RSRC1: variants seen among roughly 807,000 people sequenced by gnomAD.
RSRC1 encodes serine/Arginine-related protein 53.
A neutral mutation model predicts 49.1 loss-of-function variants in RSRC1; 39 were observed. The ratio of observed to expected loss-of-function variants is 0.79; its 90% CI spans 0.61 to 1.04. The LOEUF is 1.04. Among genes scored for constraint, RSRC1 ranks in the 50% least tolerant of loss-of-function variants. The pLI, the probability that RSRC1 is intolerant of heterozygous loss-of-function variation, is 0.00. For missense variants in RSRC1, 388 were observed against 402.4 expected (o/e 0.96, Z 0.31); for synonymous variants, 143 against 130.8 (o/e 1.09, Z -0.63).
chr3:158,378,421 T>C (rs1732498976), intron 6 of RSRC1, among the ~76,000 whole-genome samples: 1 of 152,236 alleles, frequency 6.6e-6, no homozygotes, highest in Non-Finnish European at 1.5e-5. Flanking sequence ...ATTATTTGAT[T>C]GTATCTTAGA....
intron 6 of RSRC1, among the ~76,000 whole-genome samples, chr3:158,361,406 G>A (rs1731462719): frequency 6.6e-6 from 1 of 152,146 alleles, no homozygotes; most frequent in Non-Finnish European, 1.5e-5. Flanking sequence ...TGGGCCTTGG[G>A]GCGGGTCTCA....
intron 3 of RSRC1, among the ~76,000 whole-genome samples, chr3:158,190,180 T>C (rs552286265): frequency 4.6e-5 from 7 of 152,166 alleles, no homozygotes; most frequent in African/African-American, 1.7e-4. Flanking sequence ...TTCTTTTTCC[T>C]TTATTTTTAA....
At chr3:158,542,302 G>A (rs564487806) in intron 8 of RSRC1, among the ~76,000 whole-genome samples, 2 of 152,156 alleles carry the variant, frequency 1.3e-5, no homozygotes, top group Admixed American at 1.3e-4. Flanking sequence ...AGGCCAAGGC[G>A]GGCTGATCAC....
intron 3 of RSRC1, among the ~76,000 whole-genome samples, chr3:158,144,785 C>T (rs1292390499): frequency 1.3e-5 from 2 of 152,184 alleles, no homozygotes; most frequent in East Asian, 3.9e-4. Context: ...TCCACATCCT[C>T]TCCGGCACCT....
intron 5 of RSRC1, among the ~76,000 whole-genome samples, chr3:158,345,035 A>G (rs780052820): frequency 2.0e-4 from 30 of 151,970 alleles, no homozygotes; most frequent in Non-Finnish European, 3.5e-4. Context: ...TCTGGCCAAC[A>G]TGGTGAAACC....
chr3:158,206,778 G>A (rs534321272), intron 4 of RSRC1, among the ~76,000 whole-genome samples: 1 of 152,226 alleles, frequency 6.6e-6, no homozygotes, highest in Non-Finnish European at 1.5e-5. Flanking sequence ...GCTGGGCATA[G>A]TGGTGCGTGC....
At chr3:158,127,561 T>G (rs192650167) in intron 3 of RSRC1, among the ~76,000 whole-genome samples, 71 of 152,154 alleles carry the variant, frequency 4.7e-4, no homozygotes, top group Admixed American at 4.1e-3. Flanking sequence ...AGTCTTGATT[T>G]TGTTTATACT....
chr3:158,528,057 G>A (rs1177915611), intron 7 of RSRC1, among the ~76,000 whole-genome samples: 1 of 151,544 alleles, frequency 6.6e-6, no homozygotes, highest in African/African-American at 2.4e-5. Flanking sequence ...TTACATAGAG[G>A]CATTAAAAAA....
At chr3:158,174,968 C>T (rs1164782127) in intron 3 of RSRC1, among the ~76,000 whole-genome samples, 2 of 152,066 alleles carry the variant, frequency 1.3e-5, no homozygotes, top group African/African-American at 4.8e-5. Context: ...TGCTCTACAT[C>T]CCTGCCAACA....
chr3:158,426,006 C>G (rs546981871), intron 6 of RSRC1, among the ~76,000 whole-genome samples: 64 of 151,574 alleles, frequency 4.2e-4, no homozygotes, highest in African/African-American at 1.5e-3. Flanking sequence ...TGTATGAGGA[C>G]TTGTTATTAC....
At chr3:158,329,007 C>T (rs1729371897) in intron 5 of RSRC1, among the ~76,000 whole-genome samples, 1 of 152,112 alleles carries the variant, frequency 6.6e-6, no homozygotes, top group Admixed American at 6.5e-5. Context: ...TCCCTGATAC[C>T]CTTTCTTCCA....
rs115332140 is a variant in RSRC1, at chr3:158,160,337, A to G, written c.320+36346A>G. Among the ~76,000 whole-genome samples the G allele has an allele frequency of 8.8e-3, 1,342 of 152,236 alleles. 17 individuals are homozygous for G. Among genetic ancestry groups the G allele is most frequent in the African/African-American group, 0.031 (1,285 of 41,520 alleles). On this transcript the variant is annotated intron_variant, in intron 3 of 9. Transcript: ENST00000611884. ...TATAGTACATCTTCTGAATAACTCA[A>G]ATGATTTTATAAGTATTATTTGATG... is the stretch of plus-strand genomic sequence containing the variant.
chr3:158,305,261 A>G (rs1727773362), intron 5 of RSRC1, among the ~76,000 whole-genome samples: 1 of 152,094 alleles, frequency 6.6e-6, no homozygotes, highest in South Asian at 2.1e-4. Context: ...CGTTTAAAAA[A>G]AAGGACAAGA....
chr3:158,317,820 A>G (rs1234948872), intron 5 of RSRC1, among the ~76,000 whole-genome samples: 3 of 152,008 alleles, frequency 2.0e-5, no homozygotes, highest in African/African-American at 7.2e-5. Flanking sequence ...TTGGGCTCCC[A>G]AAGTGCTGGG....
chr3:158,463,048 T>C (rs568542340), intron 7 of RSRC1, among the ~76,000 whole-genome samples: 2 of 152,168 alleles, frequency 1.3e-5, no homozygotes, highest in African/African-American at 4.8e-5. Flanking sequence ...AATAAATCAA[T>C]GACCAATTTC....
At chr3:158,265,404 G>A (rs1214232808) in intron 4 of RSRC1, among the ~76,000 whole-genome samples, 1 of 152,126 alleles carries the variant, frequency 6.6e-6, no homozygotes, top group Non-Finnish European at 1.5e-5. Flanking sequence ...GCCGAGGTGG[G>A]TGGATCACCT....
chr3:158,236,742 G>A (rs545810277), intron 4 of RSRC1, among the ~76,000 whole-genome samples: 9 of 152,312 alleles, frequency 5.9e-5, no homozygotes, highest in African/African-American at 2.2e-4. Flanking sequence ...AATATGTAGA[G>A]ATGTTGTATT....
chr3:158,500,645 A>T (rs1401467153), intron 7 of RSRC1, among the ~76,000 whole-genome samples: 1 of 152,024 alleles, frequency 6.6e-6, no homozygotes, highest in East Asian at 1.9e-4. Context: ...TAGTTTATGT[A>T]CATAAAGGTG....
At chr3:158,385,942 T>G (rs2108287160) in intron 6 of RSRC1, among the ~76,000 whole-genome samples, 1 of 152,284 alleles carries the variant, frequency 6.6e-6, no homozygotes, top group South Asian at 2.1e-4. Flanking sequence ...TAATGTGCTG[T>G]CTAAAGAAGC....
Sources: gnomAD v4.1 joint callset for allele counts (sites outside exome capture counted in the v4.1 genomes callset) on GRCh38, gnomAD v4.1.1 for gene constraint, MANE v1.5 for transcripts, NCBI Gene and HGNC (gene_info 2026-07-23, HGNC 2026-07-21) for gene names.